RAPGEF6: variants seen among roughly 807,000 people sequenced by gnomAD.
The protein encoded by RAPGEF6 is PDZ domain containing guanine nucleotide exchange factor (GEF) 2.
RAPGEF6 carries 56 observed loss-of-function variants against 171.4 expected under a neutral mutation model. The ratio of observed to expected loss-of-function variants is 0.33; its 90% confidence interval spans 0.26 to 0.41. RAPGEF6 has a LOEUF of 0.41. Among genes scored for constraint, RAPGEF6 ranks in the 10% least tolerant of loss-of-function variants. The probability of loss-of-function intolerance (pLI) is 1.00; values close to 1 mark genes in which losing one functional copy is unlikely to be tolerated. For missense variants in RAPGEF6, 1,674 were observed against 1,921.4 expected (o/e 0.87, Z 2.41); for synonymous variants, 692 against 650.1 (o/e 1.06, Z -0.98).
rs903854383 is a variant in RAPGEF6 at position 131,503,088 on chromosome 5, C to T, written c.1254+1538G>A. 2.6e-5 allele frequency among the ~76,000 whole-genome samples: 4 copies of T among 152,320 alleles called. No individual in the cohort carries two copies. In the East Asian group the frequency reaches 7.7e-4, roughly 29 times the overall value. ...AAAGTGCTGGGATTACAGGCATGAGCCACCATGCCCGGCCCTGAATGGTTT... is the reference window on the plus strand; with the variant it reads ...AAAGTGCTGGGATTACAGGCATGAGTCACCATGCCCGGCCCTGAATGGTTT... On this transcript the variant is annotated intron_variant, in intron 11 of 27. Coordinates refer to ENST00000509018, the MANE Select transcript of RAPGEF6 (RefSeq NM_016340.6).
intron 7 of RAPGEF6, among the ~76,000 whole-genome samples, chr5:131,515,944 A>G (rs1157561408): frequency 6.6e-6 from 1 of 152,190 alleles, no homozygotes; most frequent in African/African-American, 2.4e-5. Context: ...AGCTTTTTAA[A>G]TACAAGAGTA....
intron 24 of RAPGEF6, chr5:131,436,339 T>C: frequency 6.5e-7 from 1 of 1,537,656 alleles, no homozygotes; most frequent in Non-Finnish European, 8.7e-7. Context: ...GGGGCAGCTC[T>C]GGCCACTGAT....
Position 131,506,460 on chromosome 5 carries a change from A to G in RAPGEF6, c.943-938T>C, listed in dbSNP as rs11745237. Among the ~76,000 whole-genome samples, 181 of 152,344 alleles carry G rather than the reference A, an allele frequency of 1.2e-3. 1 individual carries two copies. Among genetic ancestry groups the G allele is most frequent in the South Asian group, 3.7e-3 (18 of 4,834 alleles). On this transcript the variant is annotated intron_variant, in intron 9 of 27. Transcript: ENST00000509018. ...AAGATGTATTTTAAAGATCTACTAT[A>G]TATCAGTGAAAGACCACTTATTCTC...
chr5:131,618,746 A>C (rs1349509700), intron 1 of RAPGEF6, among the ~76,000 whole-genome samples: 1 of 152,230 alleles, frequency 6.6e-6, no homozygotes, highest in Non-Finnish European at 1.5e-5. Context: ...ACTGTTGGAG[A>C]ACACGACATT....
chr5:131,480,313 G>A (rs565513153), intron 15 of RAPGEF6, among the ~76,000 whole-genome samples: 2 of 152,258 alleles, frequency 1.3e-5, no homozygotes, highest in African/African-American at 2.4e-5. Context: ...TGTACATGGG[G>A]TGGAGGTCCT....
chr5:131,580,546 A>G (rs1252517533), intron 4 of RAPGEF6, among the ~76,000 whole-genome samples: 1 of 152,192 alleles, frequency 6.6e-6, no homozygotes. Context: ...GGAGGCGGTG[A>G]GAGCGAGAGA....
chr5:131,605,495 A>T (rs1764501012), intron 1 of RAPGEF6, among the ~76,000 whole-genome samples: 1 of 152,184 alleles, frequency 6.6e-6, no homozygotes. Context: ...AGTATAATAA[A>T]AAATAAATAA....
At chr5:131,602,490 G>A (rs1272993363) in intron 3 of RAPGEF6, among the ~76,000 whole-genome samples, 1 of 152,164 alleles carries the variant, frequency 6.6e-6, no homozygotes, top group Non-Finnish European at 1.5e-5. Context: ...GCCAGGCACG[G>A]TGGCTCACAC....
At chr5:131,509,177 A>T (rs1757552536) in intron 8 of RAPGEF6, among the ~76,000 whole-genome samples, 1 of 152,230 alleles carries the variant, frequency 6.6e-6, no homozygotes, top group Non-Finnish European at 1.5e-5. Flanking sequence ...CATCTTTAGT[A>T]TCATTCAACT....
At chr5:131,508,418 A>G (rs1324381029) in intron 8 of RAPGEF6, among the ~76,000 whole-genome samples, 1 of 152,220 alleles carries the variant, frequency 6.6e-6, no homozygotes, top group Non-Finnish European at 1.5e-5. Flanking sequence ...ACCTGGGCAT[A>G]TTGGAAGATA....
At chr5:131,461,071 A>G (rs974607114) in intron 19 of RAPGEF6, among the ~76,000 whole-genome samples, 4 of 152,170 alleles carry the variant, frequency 2.6e-5, no homozygotes, top group Admixed American at 2.6e-4. Flanking sequence ...AATTACCTAC[A>G]ATTAACTTTT....
intron 1 of RAPGEF6, among the ~76,000 whole-genome samples, chr5:131,612,166 C>A (rs1047055333): frequency 6.7e-6 from 1 of 148,890 alleles, no homozygotes; most frequent in Admixed American, 6.8e-5. Context: ...TTCCAAGTGG[C>A]TGGGACTACA....
chr5:131,537,040 T>A (rs1174678001), intron 6 of RAPGEF6, among the ~76,000 whole-genome samples: 1 of 152,116 alleles, frequency 6.6e-6, no homozygotes, highest in African/African-American at 2.4e-5. Context: ...CAAATCAAAC[T>A]AAAAGGTAAT....
In RAPGEF6 at chr5:131,508,139, G is replaced by A. The variant is rs1410255849; in HGVS notation, c.874C>T (p.Leu292Phe). The part of the protein sequence containing the change: ...ANMTMSVRRE[L>F]CSVMIFEVVE... Reference sequence around the variant, plus strand: ...ACTTCAAAAATCATCACTGAGCAGAGTTCTCTCCTTACAGACATGGTCATG... The same window carrying A: ...ACTTCAAAAATCATCACTGAGCAGAATTCTCTCCTTACAGACATGGTCATG... The change falls in exon 9 of 28, where the codon CTC becomes TTC. Residue 292 changes from leucine to phenylalanine, a missense_variant. Around this residue, in one of 3 missense-constraint regions of RAPGEF6, gnomAD observed 1,116 missense variants for 1,321.5 expected, o/e 0.84. Transcript: ENST00000509018. 1.2e-6 allele frequency: 2 copies of A among 1,613,508 alleles called. No homozygotes were observed. Among genetic ancestry groups the A allele is most frequent in the Admixed American group, 1.7e-5 (1 of 59,938 alleles).
Position 131,510,516 on chromosome 5 carries a change from T to C in RAPGEF6, c.628-25A>G, listed in dbSNP as rs1757649990. 10 of 1,595,214 alleles carry C rather than the reference T, an allele frequency of 6.3e-6. No individual in the cohort carries two copies. In the Middle Eastern group the frequency reaches 1.2e-3, roughly 187 times the overall value. On this transcript the variant is annotated intron_variant, in intron 7 of 27. Transcript: ENST00000509018. ...CCTATGAAAAGAAATCTTGATCACT[T>C]ACCATTTCATGTAAAAAATATTATA... is the stretch of plus-strand genomic sequence containing the variant.
intron 3 of RAPGEF6, among the ~76,000 whole-genome samples, chr5:131,600,410 T>C (rs915844327): frequency 2.0e-5 from 3 of 152,014 alleles, no homozygotes; most frequent in Non-Finnish European, 4.4e-5. Context: ...TAGTCTCAGC[T>C]ACTTCGGAGG....
intron 1 of RAPGEF6, among the ~76,000 whole-genome samples, chr5:131,624,719 T>C (rs1158038498): frequency 6.6e-6 from 1 of 152,040 alleles, no homozygotes; most frequent in Non-Finnish European, 1.5e-5. Flanking sequence ...AGAAGAGTGG[T>C]TTCCTTTGGG....
intron 1 of RAPGEF6, among the ~76,000 whole-genome samples, chr5:131,609,757 A>G (rs1764831680): frequency 6.6e-6 from 1 of 152,218 alleles, no homozygotes; most frequent in East Asian, 1.9e-4. Context: ...CTCTCATCCC[A>G]GAACGGCCAG....
At chr5:131,621,307 T>C (rs1209448523) in intron 1 of RAPGEF6, among the ~76,000 whole-genome samples, 6 of 152,158 alleles carry the variant, frequency 3.9e-5, no homozygotes, top group African/African-American at 1.2e-4. Flanking sequence ...TCTTTTTTTT[T>C]CAGACAGGGT....
Sources: allele counts gnomAD v4.1 joint callset (sites outside exome capture counted in the v4.1 genomes callset), GRCh38; gene constraint gnomAD v4.1.1; regional missense constraint gnomAD v4.1.1; transcripts MANE v1.5; gene names NCBI Gene and HGNC (gene_info 2026-07-23, HGNC 2026-07-21).